Variants in SKAP1 observed in about 807,000 individuals in gnomAD.
SKAP1 encodes the protein src kinase associated phosphoprotein 1.
SKAP1 carries 44 observed loss-of-function variants against 58.5 expected under a neutral mutation model. The ratio of observed to expected loss-of-function variants is 0.75; its 90% CI spans 0.59 to 0.97. The LOEUF (loss-of-function observed/expected upper bound fraction) is 0.97. Among genes scored for constraint, SKAP1 ranks in the 50% least tolerant of loss-of-function variants. The pLI, the probability that SKAP1 is intolerant of heterozygous loss-of-function variation, is 0.00. For missense variants in SKAP1, 390 were observed against 435.2 expected (o/e 0.90, Z 0.92); for synonymous variants, 127 against 149.7 (o/e 0.85, Z 1.11).
intron 4 of SKAP1, among the ~76,000 whole-genome samples, chr17:48,327,137 C>G (rs548658334): frequency 6.6e-6 from 1 of 152,020 alleles, no homozygotes; most frequent in African/African-American, 2.4e-5. Flanking sequence ...GTGATCTGTC[C>G]GCCTCGGCCT....
At chr17:48,172,204 C>T (rs1180817649) in intron 9 of SKAP1, among the ~76,000 whole-genome samples, 1 of 152,102 alleles carries the variant, frequency 6.6e-6, no homozygotes, top group Non-Finnish European at 1.5e-5. Context: ...TATCTTTTTA[C>T]TGTTTTTATT....
At chr17:48,249,842 C>T (rs1000081613) in intron 4 of SKAP1, among the ~76,000 whole-genome samples, 7 of 151,874 alleles carry the variant, frequency 4.6e-5, no homozygotes, top group Non-Finnish European at 1.0e-4. Context: ...GGCACAGAGG[C>T]CTTATAAGTG....
intron 4 of SKAP1, among the ~76,000 whole-genome samples, chr17:48,256,023 G>C (rs1463020414): frequency 1.3e-5 from 2 of 152,086 alleles, no homozygotes; most frequent in Non-Finnish European, 2.9e-5. Context: ...AAGGAAAAAG[G>C]CTTCTGCAAA....
At chr17:48,278,995 C>A (rs1474659931) in intron 4 of SKAP1, among the ~76,000 whole-genome samples, 1 of 152,144 alleles carries the variant, frequency 6.6e-6, no homozygotes, top group Non-Finnish European at 1.5e-5. Flanking sequence ...CCAGGCCATA[C>A]AGCATATGAT....
intron 6 of SKAP1, 120 bp from the exon 7 acceptor site, chr17:48,184,967 T>A: frequency 2.1e-6 from 2 of 938,224 alleles, no homozygotes; most frequent in Non-Finnish European, 3.2e-6. Flanking sequence ...GGAACCACAA[T>A]AGTCAAGGAA....
intron 6 of SKAP1, chr17:48,185,140 T>C (rs2064430751): frequency 9.0e-5 from 23 of 256,790 alleles, no homozygotes; most frequent in East Asian, 3.2e-4. Flanking sequence ...AAAGAAGGAA[T>C]TATTACAGCA....
At chr17:48,160,217 A>C (rs979728010) in intron 11 of SKAP1, among the ~76,000 whole-genome samples, 6 of 152,056 alleles carry the variant, frequency 3.9e-5, no homozygotes, top group Admixed American at 3.9e-4. Context: ...GCAGCCTTGA[A>C]CTCCTGGGCT....
chr17:48,383,615 C>A (rs1296144986), intron 2 of SKAP1, among the ~76,000 whole-genome samples: 1 of 151,994 alleles, frequency 6.6e-6, no homozygotes, highest in African/African-American at 2.4e-5. Context: ...CCAGGCTGCA[C>A]AATTAAAGCC....
chr17:48,411,433 A>G (rs902791936), intron 1 of SKAP1, among the ~76,000 whole-genome samples: 2 of 148,764 alleles, frequency 1.3e-5, no homozygotes, highest in African/African-American at 2.4e-5. Context: ...AAATAAATAA[A>G]TAAATGGGAG....
chr17:48,400,143 G>A (rs2067479483), intron 1 of SKAP1, among the ~76,000 whole-genome samples: 1 of 148,920 alleles, frequency 6.7e-6, no homozygotes, highest in Admixed American at 6.7e-5. Context: ...CTGCCTCCCA[G>A]GCTGGAGTGT....
chr17:48,379,140 A>AT (rs2067183980), intron 2 of SKAP1, among the ~76,000 whole-genome samples: 6 of 152,182 alleles, frequency 3.9e-5, no homozygotes, highest in Admixed American at 3.9e-4. Flanking sequence ...CAAATGAAGA[A>AT]TTTTTTCCCC....
At chr17:48,197,358 T>C (rs948820497) in intron 4 of SKAP1, among the ~76,000 whole-genome samples, 1 of 151,812 alleles carries the variant, frequency 6.6e-6, no homozygotes, top group Non-Finnish European at 1.5e-5. Flanking sequence ...TGTTCCAGTG[T>C]AGGGCTCATG....
chr17:48,405,410 T>TTTCC (rs2067560215), intron 1 of SKAP1, among the ~76,000 whole-genome samples: 1 of 72,780 alleles, frequency 1.4e-5, no homozygotes, highest in Non-Finnish European at 2.8e-5. Flanking sequence ...TCTTTCTTTC[T>TTTCC]TTCTTTCTTT....
At chr17:48,179,925 C>T in intron 9 of SKAP1, 129 bp downstream of exon 9, 4 of 829,896 alleles carry the variant, frequency 4.8e-6, no homozygotes, top group African/African-American at 1.7e-5. Context: ...ATAAAGCGTC[C>T]CACATTATCT....
At chr17:48,227,276 G>T (rs546669759) in intron 4 of SKAP1, among the ~76,000 whole-genome samples, 17 of 152,228 alleles carry the variant, frequency 1.1e-4, no homozygotes, top group Admixed American at 9.8e-4. Context: ...TGTTCTGTGC[G>T]CTAGTCCTAG....
rs139866263 is a variant in SKAP1, at chr17:48,343,173, T to G, written c.280+2732A>C. Among the ~76,000 whole-genome samples the G allele has an allele frequency of 5.0e-4, 76 of 152,262 alleles. 1 individual carries two copies. Among genetic ancestry groups the G allele is most frequent in the Admixed American group, 1.3e-3 (20 of 15,300 alleles). The stretch of plus-strand genomic sequence containing the variant: ...TCTCACTGCATTTTTCACCTGCAGC[T>G]TAACACAGTGTCTTGGTGTTAACTA... On this transcript the variant is annotated intron_variant, in intron 4 of 12. Transcript: ENST00000336915.
intron 4 of SKAP1, among the ~76,000 whole-genome samples, chr17:48,191,123 C>G (rs2064539830): frequency 6.6e-6 from 1 of 152,162 alleles, no homozygotes; most frequent in Non-Finnish European, 1.5e-5. Flanking sequence ...TTGTTAGGTA[C>G]AAATTTATTG....
intron 4 of SKAP1, among the ~76,000 whole-genome samples, chr17:48,296,089 A>T (rs1192339620): frequency 6.6e-6 from 1 of 152,164 alleles, no homozygotes; most frequent in African/African-American, 2.4e-5. Context: ...TGTGAGAGGG[A>T]GACACACACA....
At chr17:48,140,763 CTTCTTCTTCTTCTTCT>C in intron 11 of SKAP1, among the ~76,000 whole-genome samples, 3 of 139,470 alleles carry the variant, frequency 2.2e-5, no homozygotes, top group Non-Finnish European at 3.0e-5. Flanking sequence ...CTTCTTCTTT[CTTCTTCTTCTTCTTCT>C]TTTTTTTTTT....
Sources: gnomAD v4.1 joint callset for allele counts (sites outside exome capture counted in the v4.1 genomes callset) on GRCh38, gnomAD v4.1.1 for gene constraint, MANE v1.5 for transcripts, NCBI Gene and HGNC (gene_info 2026-07-23, HGNC 2026-07-21) for gene names.